Variants in C2orf72 observed in about 807,000 individuals in gnomAD.
C2orf72 encodes uncharacterized protein C2orf72.
C2orf72 carries 16 observed loss-of-function variants against 14.4 expected under a neutral mutation model. That is an observed-to-expected ratio of 1.11 (90% CI 0.75 to 1.69). The LOEUF (loss-of-function observed/expected upper bound fraction) is 1.69. C2orf72 is among the 40% of genes most tolerant of loss of function. The probability of loss-of-function intolerance (pLI) is 0.00; values close to 1 mark genes in which losing one functional copy is unlikely to be tolerated. For synonymous variants in C2orf72, 168 were observed against 176.8 expected (o/e 0.95, Z 0.40); for missense variants, 371 against 358.3 (o/e 1.04, Z -0.29).
intron 2 of C2orf72, 90 bp from the exon 3 acceptor site, chr2:231,046,792 T>G (rs1028080291): frequency 1.2e-4 from 159 of 1,352,090 alleles, no homozygotes; most frequent in Middle Eastern, 7.6e-4. Flanking sequence ...AGTAGGTATT[T>G]GCTGGGGACA....
intron 1 of C2orf72, among the ~76,000 whole-genome samples, chr2:231,039,321 TAAAAA>T (rs11462715): frequency 2.4e-5 from 3 of 126,856 alleles, no homozygotes; most frequent in Admixed American, 7.8e-5. Context: ...CTTAAAGTAT[TAAAAA>T]AAAAAAAAAA....
intron 2 of C2orf72, among the ~76,000 whole-genome samples, chr2:231,045,295 A>ATG (rs1424580088): frequency 3.3e-5 from 5 of 149,302 alleles, no homozygotes. Flanking sequence ...ATATATAGAG[A>ATG]GAGAGAGAGA....
Position 231,049,472 on chromosome 2 carries a change from C to T in C2orf72, c.*2451C>T, listed in dbSNP as rs1693462355. 6.6e-6 allele frequency: 1 copy of T among 152,180 alleles called. No homozygotes were observed. Among genetic ancestry groups the T allele is most frequent in the African/African-American group, 2.4e-5 (1 of 41,408 alleles). 9.4% of individuals were successfully genotyped at this position (152,180 alleles called of 1,614,324 possible). On this transcript the variant is annotated 3_prime_UTR_variant, in exon 3 of 3. Transcript: ENST00000373640. ...GGACAATCTTGATGGTGGGTCCCCT[C>T]CCTGAAGGACTTTAAGAAGGCATAA...
At chr2:231,038,426 T>A (rs1693290847) in intron 1 of C2orf72, among the ~76,000 whole-genome samples, 1 of 138,946 alleles carries the variant, frequency 7.2e-6, no homozygotes, top group South Asian at 2.3e-4. Flanking sequence ...CTAGGGGGCG[T>A]GGGAAAGCTG....
intron 2 of C2orf72, 95 bp downstream of exon 2, chr2:231,041,504 C>G (rs892430578): frequency 1.1e-6 from 1 of 906,018 alleles, no homozygotes; most frequent in Non-Finnish European, 1.7e-6. Context: ...ACAGAGTGGA[C>G]CAACATCTAT....
chr2:231,045,848 C>T (rs911277315), intron 2 of C2orf72, among the ~76,000 whole-genome samples: 3 of 152,160 alleles, frequency 2.0e-5, no homozygotes, highest in African/African-American at 2.4e-5. Flanking sequence ...GGACCACTCT[C>T]TTATTAAGGT....
chr2:231,039,169 G>A (rs964764764), intron 1 of C2orf72, among the ~76,000 whole-genome samples: 1 of 152,012 alleles, frequency 6.6e-6, no homozygotes, highest in African/African-American at 2.4e-5. Context: ...ACCAGGGACT[G>A]TTGTGGCGTA....
Position 231,041,328 on chromosome 2 carries a change from G to A in C2orf72, c.667G>A (p.Gly223Arg), listed in dbSNP as rs983733713. Residue 223 changes from glycine (G) to arginine (R), a missense_variant, in exon 2 of 3, where the codon GGA becomes AGA. Physicochemically the swap from Gly to Arg is moderately radical, Grantham distance 125. This residue lies in a region of C2orf72 where 145 missense variants were observed against 149.4 expected (regional missense o/e 0.97). Coordinates refer to ENST00000373640, the MANE Select transcript of C2orf72 (RefSeq NM_001144994.2). ...AGCCTGGGAGAGGCCAGGCCTCCCC[G>A]GACTGCTAGCCTGCTTTTCCTGGGG... ...EGAWERPGLP[G>R]LLACFSWGPW... The A allele has an allele frequency of 9.0e-6, 14 of 1,551,300 alleles. No homozygotes were observed. The South Asian group carries it at 9.5e-5, about 11-fold the overall frequency.
chr2:231,046,321 T>C (rs1299549163), intron 2 of C2orf72, among the ~76,000 whole-genome samples: 1 of 151,836 alleles, frequency 6.6e-6, no homozygotes, highest in African/African-American at 2.4e-5. Context: ...TGTGTGTGTG[T>C]GTGTGTGTGT....
At position 231,037,920 on chromosome 2, in the gene C2orf72, C is replaced by G. The variant is rs1273040209; in HGVS notation, c.355C>G (p.Arg119Gly). ...VLCRASSLAAREPRRRLREML... is the reference protein window; with the variant it reads ...VLCRASSLAAGEPRRRLREML... ...GTGCCGCGCGTCGTCGCTGGCCGCCCGGGAGCCGCGGCGCCGCCTGCGGGA... is the reference window on the plus strand; with the variant it reads ...GTGCCGCGCGTCGTCGCTGGCCGCCGGGGAGCCGCGGCGCCGCCTGCGGGA... The change falls in exon 1 of 3, where the codon CGG (arginine) becomes GGG (glycine). Residue 119 changes from arginine (R) to glycine (G), a missense_variant. This residue lies in a region of C2orf72 where 214 missense variants were observed against 178.7 expected (regional missense o/e 1.20). Coordinates refer to ENST00000373640, the MANE Select transcript of C2orf72 (RefSeq NM_001144994.2). The G allele has an allele frequency of 9.7e-7, 1 of 1,027,660 alleles. No homozygotes were observed. The allele number at this position is 1,027,660 out of a possible 1,614,324, so 63.7% of individuals were successfully genotyped here. A position where few individuals can be genotyped will look rare whatever the true frequency, so the allele number is the denominator to read the frequency against.
chr2:231,038,656 G>A (rs1329127329), intron 1 of C2orf72, among the ~76,000 whole-genome samples: 2 of 152,138 alleles, frequency 1.3e-5, no homozygotes, highest in East Asian at 3.9e-4. Context: ...AGCCAGAGAT[G>A]CGTCGGGAGC....
intron 2 of C2orf72, among the ~76,000 whole-genome samples, chr2:231,044,962 T>TATACAC (rs985747494): frequency 2.7e-5 from 4 of 146,426 alleles, no homozygotes; most frequent in African/African-American, 1.0e-4. Context: ...TATATATATA[T>TATACAC]ACACACACAC....
At position 231,048,641 on chromosome 2, in the gene C2orf72, G is replaced by A. The variant is rs192652649; in HGVS notation, c.*1620G>A. 6.6e-6 allele frequency: 1 copy of A among 152,418 alleles called. No individual in the cohort carries two copies. The highest frequency in any genetic ancestry group is 2.4e-5 in the African/African-American group (1 of 41,572). The allele number at this position is 152,418 out of a possible 1,614,324, so 9.4% of individuals were successfully genotyped here. On this transcript the variant is annotated 3_prime_UTR_variant, in exon 3 of 3. Transcript: ENST00000373640. ...GTGCCTCAACCTATTCTCCATAATAGGGAGTCTAATCCTATTCCTTCCCTG... is the reference window on the plus strand; with the variant it reads ...GTGCCTCAACCTATTCTCCATAATAAGGAGTCTAATCCTATTCCTTCCCTG...
intron 1 of C2orf72, among the ~76,000 whole-genome samples, chr2:231,038,686 C>T (rs998219436): frequency 3.9e-5 from 6 of 152,026 alleles, no homozygotes; most frequent in African/African-American, 1.2e-4. Flanking sequence ...GGCGGAGGGG[C>T]ATCTCCAGCG....
Position 231,047,379 on chromosome 2 carries a change from C to A in C2orf72, c.*358C>A, listed in dbSNP as rs1290220448. The A allele has an allele frequency of 5.4e-6, 2 of 372,672 alleles. No individual in the cohort carries two copies. The highest frequency in any genetic ancestry group is 5.2e-6 in the Non-Finnish European group (1 of 191,008). The allele number at this position is 372,672 out of a possible 1,614,324, so 23.1% of individuals were successfully genotyped here. A position where few individuals can be genotyped will look rare whatever the true frequency, so the allele number is the denominator to read the frequency against. On this transcript the variant is annotated 3_prime_UTR_variant, in exon 3 of 3. Coordinates refer to ENST00000373640, the MANE Select transcript of C2orf72 (RefSeq NM_001144994.2). ...AGTGTTCTGGGCACATGCATGGGCA[C>A]CCATCGTTGAGAGTGCAGCTGGGAA...
At position 231,047,968 on chromosome 2, in the gene C2orf72, A is replaced by T. The variant is rs548247833; in HGVS notation, c.*947A>T. 4.3e-4 allele frequency: 66 copies of T among 152,362 alleles called. 1 individual carries two copies. Among genetic ancestry groups the T allele is most frequent in the African/African-American group, 1.5e-3 (64 of 41,580 alleles). The allele number at this position is 152,362 out of a possible 1,614,324, so 9.4% of individuals were successfully genotyped here. On this transcript the variant is annotated 3_prime_UTR_variant, in exon 3 of 3. Transcript: ENST00000373640. ...AGGATGCTAGGGAATTCCTATAGGC[A>T]CCAAACAGAAGGAAAGCTAGGGGCT...
At chr2:231,045,342 G>A (rs1235772245) in intron 2 of C2orf72, among the ~76,000 whole-genome samples, 1 of 151,768 alleles carries the variant, frequency 6.6e-6, no homozygotes, top group Admixed American at 6.6e-5. Context: ...TTATTATCAA[G>A]TATTGTCTAC....
chr2:231,046,764 A>ATTTTG, intron 2 of C2orf72, 118 bp from the exon 3 acceptor site: 2 of 1,027,306 alleles, frequency 1.9e-6, no homozygotes, highest in South Asian at 1.7e-5. Flanking sequence ...TTTGATATGT[A>ATTTTG]TTTTGTTTTG....
intron 1 of C2orf72, chr2:231,041,036 T>C (rs562598510): frequency 6.9e-5 from 19 of 274,356 alleles, no homozygotes; most frequent in Non-Finnish European, 1.1e-4. Flanking sequence ...TTCATTGCTT[T>C]ATTTCCTCAA....
Sources: gnomAD v4.1 joint callset for allele counts (sites outside exome capture counted in the v4.1 genomes callset) on GRCh38, gnomAD v4.1.1 for gene constraint, gnomAD v4.1.1 regional missense constraint, MANE v1.5 for transcripts, NCBI Gene and HGNC (gene_info 2026-07-23, HGNC 2026-07-21) for gene names.